OPA3: variants seen among roughly 807,000 people sequenced by gnomAD.
OPA3 encodes the protein optic atrophy 3 protein.
Under a neutral mutation model 4.0 loss-of-function variants are expected in OPA3, and 6 were observed. The ratio of observed to expected loss-of-function variants is 1.51; its 90% confidence interval spans 0.83 to 2.99. The LOEUF is 2.99. Ranked by LOEUF, OPA3 falls within the 30% of genes most tolerant of loss-of-function variation. The pLI, the probability that OPA3 is intolerant of heterozygous loss-of-function variation, is 0.00. For synonymous variants in OPA3, 105 were observed against 117.1 expected, an observed-to-expected ratio of 0.90 and a Z score of 0.67; for missense variants, 235 against 256.2, an observed-to-expected ratio of 0.92 and a Z score of 0.56.
At chr19:45,555,734 A>G (rs1173298709) in intron 1 of OPA3, among the ~76,000 whole-genome samples, 2 of 152,018 alleles carry the variant, frequency 1.3e-5, no homozygotes, top group East Asian at 1.9e-4. Context: ...CTCGTGATCC[A>G]CCCACCTCGG....
chr19:45,556,772 T>A (rs1433770500), intron 1 of OPA3, among the ~76,000 whole-genome samples: 1 of 152,230 alleles, frequency 6.6e-6, no homozygotes, highest in African/African-American at 2.4e-5. Context: ...TCACTGTCAC[T>A]GTCACTGTCA....
At chr19:45,584,488 A>AC (rs1432800641) in intron 1 of OPA3, 135 bp downstream of exon 1, 84 of 1,561,022 alleles carry the variant, frequency 5.4e-5, no homozygotes, top group South Asian at 8.3e-5. Flanking sequence ...TCTATCAGAA[A>AC]CCCCCCACTA....
chr19:45,540,097 T>C (rs1258229398), intron 1 of OPA3, among the ~76,000 whole-genome samples: 1 of 152,016 alleles, frequency 6.6e-6, no homozygotes, highest in African/African-American at 2.4e-5. Flanking sequence ...GGCAGGTGGA[T>C]CACGAGCTCA....
intron 1 of OPA3, among the ~76,000 whole-genome samples, chr19:45,570,934 T>G (rs1969653884): frequency 8.0e-6 from 1 of 124,284 alleles, no homozygotes; most frequent in African/African-American, 3.0e-5. Flanking sequence ...ATTTACTTAA[T>G]AATGTCTGCA....
At chr19:45,562,785 G>A (rs1969524743) in intron 1 of OPA3, among the ~76,000 whole-genome samples, 2 of 152,236 alleles carry the variant, frequency 1.3e-5, no homozygotes, top group African/African-American at 2.4e-5. Context: ...TGGAAACACT[G>A]CTGAGATAGG....
intron 1 of OPA3, among the ~76,000 whole-genome samples, chr19:45,583,541 G>A (rs1292699287): frequency 6.6e-6 from 1 of 151,236 alleles, no homozygotes; most frequent in East Asian, 2.0e-4. Context: ...TTGCTGTGTC[G>A]CCCAGGCTGG....
downstream of OPA3, among the ~76,000 whole-genome samples, chr19:45,542,805 C>T (rs955675137): frequency 1.6e-4 from 24 of 151,614 alleles, no homozygotes; most frequent in African/African-American, 5.8e-4. Flanking sequence ...TCCAGAGTAG[C>T]TGGGACTACA....
intron 1 of OPA3, among the ~76,000 whole-genome samples, chr19:45,559,979 T>G (rs1185988286): frequency 6.6e-6 from 1 of 152,094 alleles, no homozygotes; most frequent in African/African-American, 2.4e-5. Flanking sequence ...GTCAAAATAC[T>G]CAACTGACAG....
At chr19:45,554,393 C>T (rs964982599) in intron 1 of OPA3, among the ~76,000 whole-genome samples, 17 of 152,330 alleles carry the variant, frequency 1.1e-4, no homozygotes, top group African/African-American at 3.8e-4. Flanking sequence ...CACTTAGATA[C>T]ACTTGTAATA....
intron 1 of OPA3, among the ~76,000 whole-genome samples, chr19:45,582,226 T>C (rs1969866781): frequency 6.6e-6 from 1 of 151,882 alleles, no homozygotes; most frequent in South Asian, 2.1e-4. Context: ...AGTGACGCGA[T>C]CTTGGCTCAC....
rs536331438 is a variant in OPA3 at position 45,533,111 on chromosome 19, G to A, written c.143-3655C>T. Among the ~76,000 whole-genome samples the A allele has an allele frequency of 2.6e-5, 4 of 151,274 alleles. No individual in the cohort carries two copies. The South Asian group carries it at 6.3e-4, about 24-fold the overall frequency. ...TCACCATGTTGGTCAGGCTGGTCTC[G>A]AACTCCCAACCTCAAATGATCCACC... is the stretch of plus-strand genomic sequence containing the variant. On this transcript the variant is annotated intron_variant, in intron 1 of 1. Transcript: ENST00000323060.
intron 1 of OPA3, among the ~76,000 whole-genome samples, chr19:45,535,467 C>T (rs1379194088): frequency 6.7e-6 from 1 of 150,016 alleles, no homozygotes; most frequent in Admixed American, 6.7e-5. Flanking sequence ...AAGTGATCCA[C>T]CTACTTCAGC....
At chr19:45,562,359 A>G (rs920270014) in intron 1 of OPA3, among the ~76,000 whole-genome samples, 69 of 134,964 alleles carry the variant, frequency 5.1e-4, no homozygotes, top group Non-Finnish European at 8.2e-4. Flanking sequence ...AAAAAAAAAA[A>G]AAAAGAAAAG....
At position 45,550,761 on chromosome 19, in the gene OPA3, C is replaced by A. The variant is rs1226873593; in HGVS notation, c.*2753G>T. 1.0e-6 allele frequency: 1 copy of A among 985,768 alleles called. No homozygotes were observed. The highest frequency in any genetic ancestry group is 1.7e-5 in the African/African-American group (1 of 57,214). 61.1% of individuals were successfully genotyped at this position (985,768 alleles called of 1,614,324 possible). A position where few individuals can be genotyped will look rare whatever the true frequency, so the allele number is the denominator to read the frequency against. ...GATCCACATGGTGGTTCAGGTACAGCCTCAGGATGCCTTCATCACCTTGCA... is the reference window on the plus strand; with the variant it reads ...GATCCACATGGTGGTTCAGGTACAGACTCAGGATGCCTTCATCACCTTGCA... On this transcript the variant is annotated 3_prime_UTR_variant, in exon 2 of 2. Coordinates refer to ENST00000263275, the MANE Select transcript of OPA3 (RefSeq NM_025136.4).
At chr19:45,534,184 C>T (rs945608975) in intron 1 of OPA3, among the ~76,000 whole-genome samples, 1 of 152,190 alleles carries the variant, frequency 6.6e-6, no homozygotes, top group East Asian at 1.9e-4. Context: ...ATACAACTGC[C>T]ATTAACCCCC....
At chr19:45,555,226 G>A (rs529138337) in intron 1 of OPA3, among the ~76,000 whole-genome samples, 36 of 152,220 alleles carry the variant, frequency 2.4e-4, no homozygotes, top group Middle Eastern at 6.8e-3. Flanking sequence ...TTTGGTTGCC[G>A]ACATATAAAT....
chr19:45,553,520 C>G lies in OPA3; in HGVS notation c.534G>C (p.Lys178Asn). The G allele has an allele frequency of 1.2e-6, 2 of 1,613,232 alleles. No homozygotes were observed. The highest frequency in any genetic ancestry group is 1.7e-6 in the Non-Finnish European group (2 of 1,180,002). The change falls in exon 2 of 2, where the codon AAG becomes AAC. Residue 178 changes from lysine (K) to asparagine (N), a missense_variant. Transcript: ENST00000263275. The stretch of plus-strand genomic sequence containing the variant: ...GGTTCCATCCAGCAAGCTCCTATTT[C>G]TTGGACGCAGGCACTGCGTGGGAAG... The part of the protein sequence containing the change: ...RSASHAVPAS[K>N]K
chr19:45,584,791 A>G lies in OPA3; in HGVS notation c.-27T>C. On this transcript the variant is annotated 5_prime_UTR_variant, in exon 1 of 2. Transcript: ENST00000263275. ...TTGGCGGTCTCACAGGGCACGCGCA[A>G]CCTTGCTGACTGGGCGGGGCGCCTC... 1 of 1,612,264 alleles carries G rather than the reference A, an allele frequency of 6.2e-7. No homozygotes were observed. The highest frequency in any genetic ancestry group is 8.5e-7 in the Non-Finnish European group (1 of 1,179,854).
chr19:45,548,078 C>T lies in OPA3; in HGVS notation c.*5436G>A. The T allele has an allele frequency of 1.0e-6, 1 of 976,246 alleles. No individual in the cohort carries two copies. Among genetic ancestry groups the T allele is most frequent in the Non-Finnish European group, 1.2e-6 (1 of 821,630 alleles). 60.5% of individuals were successfully genotyped at this position (976,246 alleles called of 1,614,324 possible). ...CCTCTGCTTGCTCCCAACTGGCTCC[C>T]AGCTACTAGAATGGAGCCTGGTGCA... is the stretch of plus-strand genomic sequence containing the variant. On this transcript the variant is annotated 3_prime_UTR_variant, in exon 2 of 2. Coordinates refer to ENST00000263275, the MANE Select transcript of OPA3 (RefSeq NM_025136.4).
Sources: allele counts gnomAD v4.1 joint callset (sites outside exome capture counted in the v4.1 genomes callset), GRCh38; gene constraint gnomAD v4.1.1; transcripts MANE v1.5; gene names NCBI Gene and HGNC (gene_info 2026-07-23, HGNC 2026-07-21).